The following PRH1 variants were observed in gnomAD, a reference collection of about 807,000 sequenced individuals.
PRH1 encodes proline rich protein HaeIII subfamily 1.
Under a neutral mutation model 7.9 loss-of-function variants are expected in PRH1, and 7 were observed. The ratio of observed to expected loss-of-function variants is 0.89; its 90% CI spans 0.50 to 1.67. The LOEUF (loss-of-function observed/expected upper bound fraction) is 1.67. Among genes scored for constraint, PRH1 ranks in the 40% most tolerant of loss-of-function variants. PRH1 has a pLI of 0.00. For synonymous variants in PRH1, 45 were observed against 80.8 expected (o/e 0.56, Z 2.38); for missense variants, 109 against 223.6 (o/e 0.49, Z 3.27).
chr12:11,069,081 C>G (rs1671794539), intron 1 of PRH1, among the ~76,000 whole-genome samples: 1 of 150,168 alleles, frequency 6.7e-6, no homozygotes, highest in South Asian at 2.1e-4. Flanking sequence ...CCTCACCTAG[C>G]TAATTGTCAT....
intron 1 of PRH1, among the ~76,000 whole-genome samples, chr12:11,019,000 A>C (rs1941445589): frequency 1.2e-5 from 1 of 81,914 alleles, no homozygotes; most frequent in Non-Finnish European, 3.1e-5. Flanking sequence ...AAAAGAGAAA[A>C]AATAAATTAA....
intron 2 of PRH1, chr12:10,938,174 C>A (rs565209728): frequency 2.1e-6 from 2 of 972,394 alleles, no homozygotes; most frequent in South Asian, 1.8e-5. Context: ...CAAAGTTATA[C>A]ACAATGAAAG....
chr12:11,154,937 T>G (rs1947208695), intron 1 of PRH1, among the ~76,000 whole-genome samples: 1 of 152,154 alleles, frequency 6.6e-6, no homozygotes, highest in South Asian at 2.1e-4. Flanking sequence ...ATATTTTCAG[T>G]ATCATTTTCT....
intron 1 of PRH1, chr12:11,091,948 G>A: frequency 8.1e-7 from 1 of 1,229,352 alleles, no homozygotes; most frequent in African/African-American, 1.6e-5. Context: ...GCCAGTTGCT[G>A]AAATGGTTGA....
chr12:10,922,345 T>C (rs1216270261), intron 2 of PRH1, among the ~76,000 whole-genome samples: 1 of 152,222 alleles, frequency 6.6e-6, no homozygotes, highest in Admixed American at 6.5e-5. Context: ...GTTTTTTCAT[T>C]TTGATTGTGA....
intron 1 of PRH1, among the ~76,000 whole-genome samples, chr12:10,987,827 C>T (rs1452461716): frequency 6.6e-6 from 1 of 151,950 alleles, no homozygotes; most frequent in African/African-American, 2.4e-5. Context: ...TGTAAATATT[C>T]CTGAGTACCA....
chr12:11,099,167 A>T (rs1018474486), intron 1 of PRH1, among the ~76,000 whole-genome samples: 4 of 152,202 alleles, frequency 2.6e-5, no homozygotes, highest in Non-Finnish European at 5.9e-5. Flanking sequence ...CTTGGAGTTC[A>T]ATCATTTAAC....
At position 11,086,931 on chromosome 12, in the gene PRH1, A is replaced by C; in HGVS notation, n.124-39743T>G. 1.7e-5 allele frequency among the ~76,000 whole-genome samples: 2 copies of C among 116,348 alleles called. 1 individual carries two copies. The highest frequency in any genetic ancestry group is 4.1e-5 in the Non-Finnish European group (2 of 49,142). The allele number at this position is 116,348 out of a possible 152,430, so 76.3% of individuals were successfully genotyped here. A position where few individuals can be genotyped will look rare whatever the true frequency, so the allele number is the denominator to read the frequency against. Reference sequence around the variant, plus strand: ...CATCTCAAAAACACCACCACCACCAACAAAGGGCGATGAAAATACAACTGT... The same window carrying C: ...CATCTCAAAAACACCACCACCACCACCAAAGGGCGATGAAAATACAACTGT... On this transcript the variant is annotated intron_variant and non_coding_transcript_variant, in intron 1 of 4. Coordinates refer to the PRH1 transcript ENST00000541977.
upstream of PRH1, among the ~76,000 whole-genome samples, chr12:11,049,653 C>T (rs1943061372): frequency 6.6e-6 from 1 of 152,158 alleles, no homozygotes; most frequent in Non-Finnish European, 1.5e-5. Flanking sequence ...TTGTGTCCAG[C>T]ATCGTCAGTT....
chr12:11,013,639 A>G (rs1014119099), intron 1 of PRH1, among the ~76,000 whole-genome samples: 1 of 152,172 alleles, frequency 6.6e-6, no homozygotes, highest in Non-Finnish European at 1.5e-5. Context: ...TATTGATATT[A>G]AAATTACTAT....
At chr12:11,013,488 G>C (rs946297215) in intron 1 of PRH1, among the ~76,000 whole-genome samples, 2 of 152,004 alleles carry the variant, frequency 1.3e-5, no homozygotes, top group African/African-American at 4.8e-5. Flanking sequence ...TAAAAAGTGA[G>C]ATTAGTAACT....
At chr12:11,085,331 T>C (rs73064932) in intron 1 of PRH1, among the ~76,000 whole-genome samples, 1 of 142,064 alleles carries the variant, frequency 7.0e-6, no homozygotes, top group Non-Finnish European at 1.6e-5. Context: ...GAAAATAATA[T>C]GTTGAAATAT....
chr12:11,123,739 A>T (rs1377813834), intron 1 of PRH1, among the ~76,000 whole-genome samples: 2 of 152,112 alleles, frequency 1.3e-5, no homozygotes, highest in Non-Finnish European at 1.5e-5. Context: ...TCAGTGCTTC[A>T]TTCTTTGTAG....
chr12:10,930,383 T>A lies in PRH1; in HGVS notation c.-59+43272A>T, dbSNP rs900880833. On this transcript the variant is annotated intron_variant, in intron 2 of 3. Transcript: ENST00000539853. ...TGATCAGTTCTCCAGTGTCTTCTTA[T>A]CATCCTTGTCAGGAATTGGCTAATA... is the stretch of plus-strand genomic sequence containing the variant. The A allele has an allele frequency of 1.2e-5, 18 of 1,549,384 alleles. No individual in the cohort carries two copies. The Middle Eastern group carries it at 5.1e-4, about 44-fold the overall frequency.
At chr12:11,120,119 T>C (rs1945851214), downstream of PRH1, among the ~76,000 whole-genome samples, 1 of 152,208 alleles carries the variant, frequency 6.6e-6, no homozygotes, top group South Asian at 2.1e-4. Flanking sequence ...CTTTGATTAA[T>C]GTAATGAATA....
intron 2 of PRH1, among the ~76,000 whole-genome samples, chr12:10,891,162 T>C (rs955833091): frequency 3.3e-5 from 5 of 152,022 alleles, no homozygotes; most frequent in Non-Finnish European, 7.4e-5. Context: ...ATCAGGGAAA[T>C]ATAGAGAAAG....
chr12:10,999,227 G>A (rs10845282), intron 1 of PRH1, among the ~76,000 whole-genome samples: 46,311 of 152,010 alleles, frequency 0.3, 8,911 homozygotes, highest in East Asian at 0.74. Flanking sequence ...AAATATGTGC[G>A]CCCTTGTTGT....
At chr12:11,105,763 G>A (rs1038426120) in intron 1 of PRH1, among the ~76,000 whole-genome samples, 1 of 152,110 alleles carries the variant, frequency 6.6e-6, no homozygotes, top group Non-Finnish European at 1.5e-5. Flanking sequence ...GGTAAAGGGA[G>A]CTTGGACATA....
At chr12:10,938,682 A>C (rs1950336605) in intron 2 of PRH1, 2 of 1,613,946 alleles carry the variant, frequency 1.2e-6, no homozygotes, top group African/African-American at 2.7e-5. Flanking sequence ...ATAAGACTGG[A>C]AAATCGTGTA....
Sources: gnomAD v4.1 joint callset for allele counts (sites outside exome capture counted in the v4.1 genomes callset) on GRCh38, gnomAD v4.1.1 for gene constraint, MANE v1.5 for transcripts, NCBI Gene and HGNC (gene_info 2026-07-23, HGNC 2026-07-21) for gene names.